Variants in NFIA observed in about 807,000 individuals in gnomAD.
NFIA encodes nuclear factor I A.
Under a neutral mutation model 62.8 loss-of-function variants are expected in NFIA, and 8 were observed. The ratio of observed to expected loss-of-function variants is 0.13; its 90% CI spans 0.07 to 0.23. The LOEUF is 0.23. NFIA is among the 10% of genes least tolerant of loss of function. The pLI is 1.00. For missense variants in NFIA, 410 were observed against 642.1 expected, an observed-to-expected ratio of 0.64 and a Z score of 3.91; for synonymous variants, 235 against 238.1, an observed-to-expected ratio of 0.99 and a Z score of 0.12.
chr1:61,286,427 C>CAA (rs59486053), intron 3 of NFIA, among the ~76,000 whole-genome samples: 3,604 of 108,600 alleles, frequency 0.033, 177 homozygotes, highest in African/African-American at 0.1. Flanking sequence ...GACTCTGTCT[C>CAA]AAAAAAAAAA....
At position 61,169,894 on chromosome 1, in the gene NFIA, A is replaced by G. The variant is rs530369944; in HGVS notation, c.559+81214A>G. Among the ~76,000 whole-genome samples, 12 of 152,276 alleles carry G rather than the reference A, an allele frequency of 7.9e-5. No individual in the cohort carries two copies. In the East Asian group the frequency reaches 2.3e-3, roughly 29 times the overall value. The stretch of plus-strand genomic sequence containing the variant: ...CCAGTTTTCTTCTGATTGAATTTGA[A>G]CAGCAAAGATTTTTAGCTTTCTTCT... On this transcript the variant is annotated intron_variant, in intron 2 of 10. Transcript: ENST00000403491.
At chr1:61,444,519 A>T (rs1667723048) in intron 10 of NFIA, among the ~76,000 whole-genome samples, 1 of 152,206 alleles carries the variant, frequency 6.6e-6, no homozygotes, top group African/African-American at 2.4e-5. Context: ...TAAACTCCTG[A>T]GGAGTGTTTT....
At chr1:61,360,054 GC>G (rs1240021504) in intron 6 of NFIA, among the ~76,000 whole-genome samples, 2 of 152,202 alleles carry the variant, frequency 1.3e-5, no homozygotes, top group African/African-American at 4.8e-5. Flanking sequence ...AGGACACTTT[GC>G]AATATTTTTC....
chr1:61,160,432 A>G (rs772608754), intron 2 of NFIA, among the ~76,000 whole-genome samples: 11 of 152,222 alleles, frequency 7.2e-5, no homozygotes, highest in Non-Finnish European at 1.5e-4. Flanking sequence ...CTGAAGTGTC[A>G]TCCAACTTTG....
chr1:61,351,436 T>A (rs1452458846), intron 4 of NFIA, among the ~76,000 whole-genome samples: 1 of 152,206 alleles, frequency 6.6e-6, no homozygotes, highest in Non-Finnish European at 1.5e-5. Context: ...AATTTATTTA[T>A]TCCAGTATCA....
At chr1:61,279,331 A>G (rs949301198) in intron 3 of NFIA, among the ~76,000 whole-genome samples, 5 of 151,688 alleles carry the variant, frequency 3.3e-5, no homozygotes, top group African/African-American at 1.2e-4. Flanking sequence ...CTGCCTGGCA[A>G]TTCCTCTCCT....
At chr1:61,169,627 C>T (rs781302730) in intron 2 of NFIA, among the ~76,000 whole-genome samples, 7 of 152,200 alleles carry the variant, frequency 4.6e-5, no homozygotes, top group South Asian at 2.1e-4. Context: ...GGTGGTCAAC[C>T]GATATTTACT....
upstream of NFIA, among the ~76,000 whole-genome samples, chr1:61,081,363 C>T (rs954501978): frequency 1.3e-5 from 2 of 151,952 alleles, no homozygotes; most frequent in Non-Finnish European, 1.5e-5. Context: ...AAAATAATTG[C>T]AGGAAGCTCT....
Position 61,352,508 on chromosome 1 carries a change from ATAC to A in NFIA, c.763_765del (p.Tyr255del). The A allele has an allele frequency of 1.2e-6, 2 of 1,614,030 alleles. No homozygotes were observed. Among genetic ancestry groups the A allele is most frequent in the Non-Finnish European group, 1.7e-6 (2 of 1,179,950 alleles). On this transcript the variant is annotated inframe_deletion, in exon 5 of 11. Transcript: ENST00000403491. Reference sequence around the variant, plus strand: ...CTCTCTCAGATTTGGAAAGTTCTTCATACTACAGCATGAGTCCAGGAGCAATGA... The same window carrying A: ...CTCTCTCAGATTTGGAAAGTTCTTCATACAGCATGAGTCCAGGAGCAATGA...
chr1:61,361,473 T>C (rs1467523711), intron 6 of NFIA, among the ~76,000 whole-genome samples: 1 of 152,216 alleles, frequency 6.6e-6, no homozygotes, highest in African/African-American at 2.4e-5. Context: ...ACATTTGTGC[T>C]TGATTATTGT....
intron 2 of NFIA, among the ~76,000 whole-genome samples, chr1:61,119,581 T>G (rs1646853839): frequency 1.3e-5 from 2 of 152,232 alleles, no homozygotes; most frequent in African/African-American, 4.8e-5. Context: ...ATGACTGAAA[T>G]AACTTGTGAT....
chr1:61,241,576 G>T (rs557275466), intron 2 of NFIA, among the ~76,000 whole-genome samples: 17 of 152,044 alleles, frequency 1.1e-4, no homozygotes, highest in African/African-American at 3.6e-4. Context: ...TGGCTGCCAA[G>T]GTCTGAGCAC....
chr1:61,193,380 T>TAG (rs1651775342), intron 2 of NFIA, among the ~76,000 whole-genome samples: 2 of 152,216 alleles, frequency 1.3e-5, no homozygotes, highest in Non-Finnish European at 2.9e-5. Context: ...TTTCCATGTA[T>TAG]AGAGGTGTCT....
chr1:61,406,558 AC>A lies in NFIA; in HGVS notation c.1255-3del, dbSNP rs763358022. ...TGTGTTTTCTGCCCCCCCCCCCCCC[AC>A]AGCCCAATGGGAGCAGCCAAGGCAA... On this transcript the variant is annotated splice_polypyrimidine_tract_variant and splice_region_variant and intron_variant, in intron 8 of 10. Coordinates refer to ENST00000403491, the MANE Select transcript of NFIA (RefSeq NM_001134673.4). The A allele has an allele frequency of 5.2e-6, 2 of 384,692 alleles. No homozygotes were observed. The highest frequency in any genetic ancestry group is 9.2e-5 in the South Asian group (2 of 21,782). The allele number at this position is 384,692 out of a possible 1,614,324, so 23.8% of individuals were successfully genotyped here. A position where few individuals can be genotyped will look rare whatever the true frequency, so the allele number is the denominator to read the frequency against.
At chr1:61,147,661 T>C (rs916794044) in intron 2 of NFIA, among the ~76,000 whole-genome samples, 3 of 152,226 alleles carry the variant, frequency 2.0e-5, no homozygotes, top group African/African-American at 7.2e-5. Flanking sequence ...AGTTTTTTTT[T>C]CCCTTTGAAA....
At chr1:61,117,139 A>C (rs1646805629) in intron 2 of NFIA, among the ~76,000 whole-genome samples, 1 of 152,202 alleles carries the variant, frequency 6.6e-6, no homozygotes, top group African/African-American at 2.4e-5. Flanking sequence ...CTCCAGCATG[A>C]TTGCACCCAT....
intron 5 of NFIA, among the ~76,000 whole-genome samples, chr1:61,358,781 A>G (rs1346645868): frequency 6.6e-6 from 1 of 152,148 alleles, no homozygotes; most frequent in African/African-American, 2.4e-5. Flanking sequence ...TTCATTGCTG[A>G]TGGCCAGGCC....
chr1:61,083,394 G>A (rs1457475108), intron 1 of NFIA, among the ~76,000 whole-genome samples: 1 of 152,088 alleles, frequency 6.6e-6, no homozygotes, highest in Non-Finnish European at 1.5e-5. Context: ...CCGTCTTCCC[G>A]AACTCTTACT....
chr1:61,335,711 G>A (rs939504966), intron 4 of NFIA, among the ~76,000 whole-genome samples: 8 of 151,948 alleles, frequency 5.3e-5, no homozygotes, highest in Admixed American at 2.0e-4. Context: ...GTGTGGTGTC[G>A]GGCGCCTGTA....
Sources: allele counts gnomAD v4.1 joint callset (sites outside exome capture counted in the v4.1 genomes callset), GRCh38; gene constraint gnomAD v4.1.1; transcripts MANE v1.5; gene names NCBI Gene and HGNC (gene_info 2026-07-23, HGNC 2026-07-21).